Variants in PCDH11Y observed in about 807,000 individuals in gnomAD.
PCDH11Y encodes protocadherin 11 Y-linked.
For synonymous variants in PCDH11Y, 9 were observed against 83.6 expected (o/e 0.11, Z 4.87); for missense variants, 12 against 224.8 (o/e 0.05, Z 6.05).
chrY:5,430,531 C>T, intron 2 of PCDH11Y, among the ~76,000 whole-genome samples: 3 of 32,744 alleles, frequency 9.2e-5, no homozygotes, highest in African/African-American at 3.6e-4. Flanking sequence ...TTAAACAGTT[C>T]GTCAAAACTT....
intron 4 of PCDH11Y, among the ~76,000 whole-genome samples, chrY:5,735,938 C>T (rs2053609043): frequency 3.1e-5 from 1 of 32,195 alleles, no homozygotes; most frequent in Non-Finnish European, 7.6e-5. Flanking sequence ...TAATTTTAAG[C>T]ACACAGATTC....
At chrY:5,387,612 A>T in intron 2 of PCDH11Y, among the ~76,000 whole-genome samples, 1 of 27,321 alleles carries the variant, frequency 3.7e-5, no homozygotes, top group Non-Finnish European at 8.6e-5. Flanking sequence ...CTTAGTTTTG[A>T]TTGTTTAATG....
At chrY:5,670,915 A>G in intron 4 of PCDH11Y, among the ~76,000 whole-genome samples, 1 of 33,173 alleles carries the variant, frequency 3.0e-5, no homozygotes. Flanking sequence ...TTGAAGTCTT[A>G]GATTTAAATA....
intron 1 of PCDH11Y, among the ~76,000 whole-genome samples, chrY:5,021,594 T>G: frequency 3.2e-5 from 1 of 31,701 alleles, no homozygotes; most frequent in Non-Finnish European, 7.6e-5. Flanking sequence ...TCTCTTTTCC[T>G]TCTACTCTCT....
chrY:5,486,224 G>A, intron 2 of PCDH11Y, among the ~76,000 whole-genome samples: 3 of 33,162 alleles, frequency 9.0e-5, no homozygotes, highest in Admixed American at 8.4e-4. Flanking sequence ...ATAATGGAAA[G>A]ATCCTCTGGA....
chrY:5,445,396 ACCT>A (rs2053286513), intron 2 of PCDH11Y, among the ~76,000 whole-genome samples: 52 of 26,345 alleles, frequency 2.0e-3, no homozygotes, highest in African/African-American at 5.4e-3. Flanking sequence ...TTTTCTTTCC[ACCT>A]CCTCCTCCTC....
At chrY:5,199,210 C>T in intron 2 of PCDH11Y, among the ~76,000 whole-genome samples, 1 of 31,073 alleles carries the variant, frequency 3.2e-5, no homozygotes, top group Admixed American at 2.9e-4. Flanking sequence ...GCTACAATGG[C>T]CTGATTCCAA....
chrY:5,355,176 G>A (rs2053164286), intron 2 of PCDH11Y, among the ~76,000 whole-genome samples: 2 of 29,958 alleles, frequency 6.7e-5, no homozygotes, highest in Admixed American at 3.3e-4. Context: ...CAGGAGAATC[G>A]CTTGAACCAG....
intron 2 of PCDH11Y, among the ~76,000 whole-genome samples, chrY:5,191,033 C>T: frequency 3.1e-5 from 1 of 32,063 alleles, no homozygotes; most frequent in Non-Finnish European, 7.6e-5. Context: ...AATACTATTT[C>T]CTAGAATATA....
intron 2 of PCDH11Y, among the ~76,000 whole-genome samples, chrY:5,174,173 T>C (rs1602880234): frequency 1.3e-3 from 29 of 21,590 alleles, no homozygotes; most frequent in African/African-American, 6.0e-3. Flanking sequence ...TATATATATA[T>C]ACAAACACAT....
At chrY:5,606,144 TTTTTTTA>T (rs2053478486) in intron 4 of PCDH11Y, among the ~76,000 whole-genome samples, 4 of 32,582 alleles carry the variant, frequency 1.2e-4, no homozygotes, top group Non-Finnish European at 3.0e-4. Flanking sequence ...CCCGTTATTA[TTTTTTTA>T]TTTTTTATTT....
At chrY:5,043,982 G>C (rs1602845915) in intron 3 of PCDH11Y, among the ~76,000 whole-genome samples, 2 of 32,161 alleles carry the variant, frequency 6.2e-5, no homozygotes, top group African/African-American at 1.2e-4. Context: ...TTTATTGTGT[G>C]TATTTGATTC....
intron 2 of PCDH11Y, among the ~76,000 whole-genome samples, chrY:5,381,879 T>C (rs2053205540): frequency 1.9e-3 from 65 of 33,680 alleles, no homozygotes; most frequent in African/African-American, 7.0e-3. Flanking sequence ...TTATATTTAA[T>C]TTCAACTTGG....
intron 4 of PCDH11Y, among the ~76,000 whole-genome samples, chrY:5,627,024 A>T: frequency 1.6e-4 from 5 of 32,098 alleles, no homozygotes; most frequent in African/African-American, 2.4e-4. Flanking sequence ...CAGAGTCCTC[A>T]CTCTGTCATC....
chrY:5,574,859 A>T (rs2053444274), intron 3 of PCDH11Y, among the ~76,000 whole-genome samples: 1 of 32,963 alleles, frequency 3.0e-5, no homozygotes, highest in Non-Finnish European at 7.4e-5. Context: ...GGAACAGAAT[A>T]GAGAACCCAC....
chrY:5,265,953 T>C, intron 2 of PCDH11Y, among the ~76,000 whole-genome samples: 1 of 33,461 alleles, frequency 3.0e-5, no homozygotes, highest in Admixed American at 2.8e-4. Context: ...AGAGTTTTTG[T>C]GTTTCAGTCT....
chrY:5,211,468 T>TG (rs2052938660), intron 2 of PCDH11Y, among the ~76,000 whole-genome samples: 1 of 32,577 alleles, frequency 3.1e-5, no homozygotes, highest in East Asian at 8.3e-4. Context: ...TGTCTTACTA[T>TG]GTTGTATGTA....
chrY:5,147,861 T>TA (rs2052859390), intron 2 of PCDH11Y, among the ~76,000 whole-genome samples: 1 of 32,882 alleles, frequency 3.0e-5, no homozygotes, highest in Non-Finnish European at 7.5e-5. Flanking sequence ...GAGTAGTCTC[T>TA]AGAAACTGGA....
chrY:5,316,116 G>T lies in PCDH11Y; in HGVS notation c.3130-184941G>T. Among the ~76,000 whole-genome samples the T allele has an allele frequency of 9.0e-5, 3 of 33,406 alleles. No homozygotes were observed. In the South Asian group the frequency reaches 2.1e-3, roughly 23 times the overall value. 89.6% of individuals were successfully genotyped at this position (33,406 alleles called of 37,273 possible). A position where few individuals can be genotyped will look rare whatever the true frequency, so the allele number is the denominator to read the frequency against. On this transcript the variant is annotated intron_variant, in intron 2 of 4. Coordinates refer to the PCDH11Y transcript ENST00000400457. ...GTCCTGAGAACATGTGCCCAAGGTG[G>T]TCGGGGCACAGCTTGGTTTTATATA... is the stretch of plus-strand genomic sequence containing the variant.
Sources: allele counts gnomAD v4.1 joint callset (sites outside exome capture counted in the v4.1 genomes callset), GRCh38; gene constraint gnomAD v4.1.1; transcripts MANE v1.5; gene names NCBI Gene and HGNC (gene_info 2026-07-23, HGNC 2026-07-21).